The following ATP11C variants were observed in gnomAD, a reference collection of about 807,000 sequenced individuals.
ATP11C encodes the protein phospholipid-transporting ATPase IG.
Under a neutral mutation model 97.4 loss-of-function variants are expected in ATP11C, and 36 were observed. The observed-to-expected ratio is 0.37, with a 90% CI of 0.28 to 0.49. The LOEUF (loss-of-function observed/expected upper bound fraction) is 0.49, where lower values mean the gene tolerates loss of function less well. Ranked by LOEUF, ATP11C falls within the 20% of genes least tolerant of loss-of-function variation. The pLI, the probability that ATP11C is intolerant of heterozygous loss-of-function variation, is 0.98. For missense variants in ATP11C, 730 were observed against 824.6 expected, an observed-to-expected ratio of 0.89 and a Z score of 1.40; for synonymous variants, 275 against 290.9, an observed-to-expected ratio of 0.95 and a Z score of 0.56.
chrX:139,807,032 G>C (rs373557323), intron 5 of ATP11C, among the ~76,000 whole-genome samples: 6 of 110,910 alleles, frequency 5.4e-5, no homozygotes, highest in African/African-American at 1.6e-4. Flanking sequence ...TTACTATGAG[G>C]GGGGAGGATA....
At chrX:139,891,197 CAAAAAAAA>C (rs35280856) in intron 1 of ATP11C, among the ~76,000 whole-genome samples, 1 of 35,490 alleles carries the variant, frequency 2.8e-5, no homozygotes, top group South Asian at 1.9e-3. Context: ...AGAGATTGGC[CAAAAAAAA>C]AAAAAAAAAA....
intron 4 of ATP11C, among the ~76,000 whole-genome samples, chrX:139,815,600 G>A (rs1428640433): frequency 8.9e-6 from 1 of 111,929 alleles, no homozygotes; most frequent in Non-Finnish European, 1.9e-5. Context: ...AGTAATCAGA[G>A]AAAGATCTAA....
Position 139,837,925 on chromosome X carries a change from A to C in ATP11C, c.28-11102T>G, listed in dbSNP as rs773042507. The stretch of plus-strand genomic sequence containing the variant: ...ACAGCTAAACTAAAACAAAACAAAA[A>C]CAAAAAGGAGAAGGGTAGAAATACA... On this transcript the variant is annotated intron_variant, in intron 1 of 29. Coordinates refer to ENST00000682941, the MANE Select transcript of ATP11C (RefSeq NM_001353812.2). Among the ~76,000 whole-genome samples the C allele has an allele frequency of 2.7e-5, 3 of 112,180 alleles. No individual in the cohort carries two copies. In the East Asian group the frequency reaches 8.3e-4, roughly 31 times the overall value.
rs148798109 is a variant in ATP11C at position 139,814,648 on chromosome X, A to C, written c.426+230T>G. On this transcript the variant is annotated intron_variant, in intron 5 of 29. Coordinates refer to ENST00000682941, the MANE Select transcript of ATP11C (RefSeq NM_001353812.2). The stretch of plus-strand genomic sequence containing the variant: ...GAAATATGAAACATTCAGAATACAT[A>C]CATCCATAGGGACAGAAAGAAGGTT... Among the ~76,000 whole-genome samples, 715 of 111,763 alleles carry C rather than the reference A, an allele frequency of 6.4e-3. 2 individuals are homozygous for C. Among genetic ancestry groups the C allele is most frequent in the Non-Finnish European group, 0.011 (597 of 53,012 alleles).
At position 139,764,379 on chromosome X, in the gene ATP11C, G is replaced by A. The variant is rs1032972027; in HGVS notation, c.2392-961C>T. Among the ~76,000 whole-genome samples the A allele has an allele frequency of 5.3e-5, 6 of 112,437 alleles. No individual in the cohort carries two copies. The Admixed American group carries it at 5.6e-4, about 11-fold the overall frequency. ...TTTCTTCAAGATGTATAAATGTACT[G>A]AATAAAATGTTCATCCCTGGTATTA... On this transcript the variant is annotated intron_variant, in intron 20 of 29. Transcript: ENST00000682941.
intron 7 of ATP11C, 102 bp from the exon 8 acceptor site, chrX:139,800,212 T>G: frequency 1.7e-6 from 1 of 579,446 alleles, no homozygotes; most frequent in Non-Finnish European, 2.8e-6. Context: ...AAAACAGAGA[T>G]AGATAAAACT....
At chrX:139,780,997 G>A (rs2082443471) in intron 18 of ATP11C, among the ~76,000 whole-genome samples, 1 of 111,079 alleles carries the variant, frequency 9.0e-6, no homozygotes, top group African/African-American at 3.3e-5. Context: ...TAGGTGATGG[G>A]ATCAATGGAA....
chrX:139,923,165 T>G (rs2085294845), intron 1 of ATP11C, among the ~76,000 whole-genome samples: 1 of 111,732 alleles, frequency 8.9e-6, no homozygotes, highest in African/African-American at 3.3e-5. Context: ...TTCCCATGCT[T>G]TAAGTACAAC....
intron 22 of ATP11C, among the ~76,000 whole-genome samples, chrX:139,758,856 G>A (rs1057073278): frequency 9.0e-6 from 1 of 111,517 alleles, no homozygotes. Flanking sequence ...AGCTCTAGGA[G>A]ACTTGAGACT....
chrX:139,837,266 C>G (rs1244217012), intron 1 of ATP11C, among the ~76,000 whole-genome samples: 1 of 111,789 alleles, frequency 8.9e-6, no homozygotes, highest in African/African-American at 3.3e-5. Context: ...TAGGGGGTAT[C>G]TAGAACCATT....
intron 5 of ATP11C, among the ~76,000 whole-genome samples, chrX:139,812,510 T>A (rs2083196060): frequency 9.1e-6 from 1 of 109,330 alleles, no homozygotes; most frequent in Admixed American, 9.8e-5. Context: ...ATGCTATGAA[T>A]CATTTAGGCA....
chrX:139,818,215 C>A (rs1390939022), intron 3 of ATP11C, among the ~76,000 whole-genome samples: 1 of 112,044 alleles, frequency 8.9e-6, no homozygotes, highest in Non-Finnish European at 1.9e-5. Flanking sequence ...ATACCCAAAG[C>A]ATTCTGTTAA....
intron 11 of ATP11C, 81 bp from the exon 12 acceptor site, chrX:139,796,551 A>C: frequency 1.7e-5 from 11 of 665,754 alleles, no homozygotes; most frequent in Non-Finnish European, 2.3e-5. Context: ...AATTAATTTC[A>C]TCTTTATTTC....
At chrX:139,813,858 GGC>G (rs2083228711) in intron 5 of ATP11C, among the ~76,000 whole-genome samples, 1 of 111,294 alleles carries the variant, frequency 9.0e-6, no homozygotes, top group South Asian at 3.8e-4. Flanking sequence ...TACAAATGTA[GGC>G]TATGTGGATA....
intron 1 of ATP11C, among the ~76,000 whole-genome samples, chrX:139,927,703 A>G (rs768261060): frequency 2.7e-5 from 3 of 110,119 alleles, no homozygotes; most frequent in Non-Finnish European, 3.8e-5. Context: ...CAGCCTCTGT[A>G]ACTGCATGAT....
intron 1 of ATP11C, among the ~76,000 whole-genome samples, chrX:139,916,178 G>A (rs1373330028): frequency 1.9e-5 from 2 of 103,762 alleles, no homozygotes; most frequent in East Asian, 3.1e-4. Context: ...GCAGTGAGCC[G>A]AGATCACACC....
intron 11 of ATP11C, among the ~76,000 whole-genome samples, chrX:139,796,868 A>C (rs2082808753): frequency 8.9e-6 from 1 of 111,904 alleles, no homozygotes; most frequent in East Asian, 2.8e-4. Context: ...GTTTCACCTT[A>C]AATTCTTATA....
chrX:139,817,368 G>A (rs2083307481), intron 3 of ATP11C, among the ~76,000 whole-genome samples: 1 of 109,404 alleles, frequency 9.1e-6, no homozygotes, highest in South Asian at 3.9e-4. Context: ...GGGTAAACAG[G>A]AGTTAACTAG....
intron 1 of ATP11C, among the ~76,000 whole-genome samples, chrX:139,874,045 G>GTTTT (rs746204437): frequency 1.1e-5 from 1 of 94,657 alleles, no homozygotes; most frequent in African/African-American, 4.0e-5. Flanking sequence ...AAACAACCAG[G>GTTTT]TTTTTTTTTT....
Sources: allele counts gnomAD v4.1 joint callset (sites outside exome capture counted in the v4.1 genomes callset), GRCh38; gene constraint gnomAD v4.1.1; transcripts MANE v1.5; gene names NCBI Gene and HGNC (gene_info 2026-07-23, HGNC 2026-07-21).